GPC5: variants seen among roughly 807,000 people sequenced by gnomAD.
GPC5 encodes the protein glypican 5, also known as glypican-5.
Under a neutral mutation model 53.9 loss-of-function variants are expected in GPC5, and 47 were observed. The observed-to-expected ratio is 0.87, with a 90% CI of 0.69 to 1.11. The LOEUF is 1.11. GPC5 is among the 50% of genes most tolerant of loss of function. The pLI is 0.00. For missense variants in GPC5, 748 were observed against 713.1 expected, an observed-to-expected ratio of 1.05 and a Z score of -0.56; for synonymous variants, 286 against 263.3, an observed-to-expected ratio of 1.09 and a Z score of -0.84.
At chr13:91,994,469 A>G (rs1199022854) in intron 6 of GPC5, 2 of 152,190 alleles carry the variant, frequency 1.3e-5, no homozygotes, top group Admixed American at 6.6e-5. Context: ...GATACAACAA[A>G]GAAGGAATCA....
At chr13:92,490,136 GTTC>G (rs2139446159) in intron 7 of GPC5, 1 of 154,448 alleles carries the variant, frequency 6.5e-6, no homozygotes, top group South Asian at 2.0e-4. Context: ...ATTGTTCTCG[GTTC>G]TTTGTGAATT....
rs886634166 is a variant in GPC5 at position 92,841,217 on chromosome 13, C to T, written c.1562-25065C>T. 4.6e-5 allele frequency among the ~76,000 whole-genome samples: 7 copies of T among 152,150 alleles called. No individual in the cohort carries two copies. The South Asian group carries it at 8.3e-4, about 18-fold the overall frequency. On this transcript the variant is annotated intron_variant, in intron 7 of 7. Transcript: ENST00000377067. The stretch of plus-strand genomic sequence containing the variant: ...CTTTTGATATTTGCATCATCATTTG[C>T]GTTAACATTATTAACAGTCAGTCTT...
At chr13:92,508,195 T>G (rs1880442250) in intron 7 of GPC5, among the ~76,000 whole-genome samples, 2 of 152,148 alleles carry the variant, frequency 1.3e-5, no homozygotes, top group African/African-American at 2.4e-5. Context: ...ATCCCATGAC[T>G]TCGTGATCTT....
intron 6 of GPC5, among the ~76,000 whole-genome samples, chr13:92,111,816 A>C (rs1390069205): frequency 6.6e-6 from 1 of 152,244 alleles, no homozygotes; most frequent in Non-Finnish European, 1.5e-5. Flanking sequence ...AACATAAAGA[A>C]TCTTGTCCAG....
intron 7 of GPC5, among the ~76,000 whole-genome samples, chr13:92,840,816 G>A (rs1357099724): frequency 6.6e-6 from 1 of 151,882 alleles, no homozygotes; most frequent in African/African-American, 2.4e-5. Context: ...CAAGTCTTTT[G>A]CCACCTTATT....
chr13:92,669,633 C>A (rs71427590), intron 7 of GPC5, among the ~76,000 whole-genome samples: 33,573 of 152,016 alleles, frequency 0.22, 4,347 homozygotes, highest in South Asian at 0.36. Context: ...TCCCAATCAG[C>A]AGTTGAATCC....
At chr13:92,511,291 A>G (rs1224723404) in intron 7 of GPC5, among the ~76,000 whole-genome samples, 2 of 152,024 alleles carry the variant, frequency 1.3e-5, no homozygotes, top group African/African-American at 4.8e-5. Flanking sequence ...TTGGTTCTTC[A>G]TTTCTGCATT....
Position 92,253,425 on chromosome 13 carries a change from A to G in GPC5, c.1561+108436A>G, listed in dbSNP as rs1395316722. 3.0e-5 allele frequency among the ~76,000 whole-genome samples: 3 copies of G among 100,864 alleles called. No homozygotes were observed. In the Admixed American group the frequency reaches 3.3e-4, roughly 11 times the overall value. The allele number at this position is 100,864 out of a possible 152,430, so 66.2% of individuals were successfully genotyped here. A position where few individuals can be genotyped will look rare whatever the true frequency, so the allele number is the denominator to read the frequency against. On this transcript the variant is annotated intron_variant, in intron 7 of 7. Coordinates refer to ENST00000377067, the MANE Select transcript of GPC5 (RefSeq NM_004466.6). Reference sequence around the variant, plus strand: ...TAAGTGGTTTATAGGTAGAAATAACAGGAGTTAAAAAAAAATAGATATGAG... The same window carrying G: ...TAAGTGGTTTATAGGTAGAAATAACGGGAGTTAAAAAAAAATAGATATGAG...
chr13:92,194,041 T>A (rs1371115370), intron 7 of GPC5, among the ~76,000 whole-genome samples: 13 of 152,202 alleles, frequency 8.5e-5, no homozygotes, highest in Non-Finnish European at 4.4e-5. Flanking sequence ...ACTTAATACA[T>A]CTTTGTTATA....
chr13:92,002,593 C>T (rs1263129128), intron 6 of GPC5, among the ~76,000 whole-genome samples: 1 of 152,072 alleles, frequency 6.6e-6, no homozygotes, highest in East Asian at 1.9e-4. Context: ...ATAAGGGATA[C>T]ATTTGAATAA....
rs116428540 is a variant in GPC5, at chr13:91,837,894, G to T, written c.1281-70043G>T. Among the ~76,000 whole-genome samples, 332 of 152,168 alleles carry T rather than the reference G, an allele frequency of 2.2e-3. 1 individual carries two copies. The highest frequency in any genetic ancestry group is 7.5e-3 in the African/African-American group (312 of 41,540). ...ATGGTGATTGGTAAAAAATGACATG[G>T]GTGGGGGTCATCCAAGGAGTGTTTT... On this transcript the variant is annotated intron_variant, in intron 5 of 7. Transcript: ENST00000377067.
At chr13:91,580,580 A>C (rs1236643630) in intron 2 of GPC5, among the ~76,000 whole-genome samples, 1 of 152,104 alleles carries the variant, frequency 6.6e-6, no homozygotes, top group Non-Finnish European at 1.5e-5. Context: ...TTACATCATA[A>C]GCAGGTTTTT....
intron 6 of GPC5, among the ~76,000 whole-genome samples, chr13:92,125,599 G>C (rs547268686): frequency 9.2e-5 from 14 of 152,062 alleles, no homozygotes; most frequent in Non-Finnish European, 1.8e-4. Context: ...AAAGGAGAGG[G>C]AAAAGAGGTA....
chr13:92,269,258 C>T (rs1477295314), intron 7 of GPC5, among the ~76,000 whole-genome samples: 4 of 152,096 alleles, frequency 2.6e-5, no homozygotes, highest in Admixed American at 6.5e-5. Flanking sequence ...ACTTTCATAA[C>T]TAAATTGAAA....
intron 6 of GPC5, among the ~76,000 whole-genome samples, chr13:91,976,214 T>C (rs1297384969): frequency 6.6e-6 from 1 of 152,192 alleles, no homozygotes; most frequent in Non-Finnish European, 1.5e-5. Context: ...TGGCAACATG[T>C]ATACATATGT....
chr13:91,437,996 C>A (rs12871672), intron 1 of GPC5, among the ~76,000 whole-genome samples: 67,382 of 151,936 alleles, frequency 0.44, 15,889 homozygotes, highest in Middle Eastern at 0.56. Context: ...AGTTCTCGTG[C>A]CTTGGTTTTC....
chr13:91,986,845 T>G (rs2040412673), intron 6 of GPC5, among the ~76,000 whole-genome samples: 1 of 152,238 alleles, frequency 6.6e-6, no homozygotes, highest in South Asian at 2.1e-4. Flanking sequence ...AACATTTATA[T>G]TTCTACAGCG....
intron 7 of GPC5, among the ~76,000 whole-genome samples, chr13:92,723,732 T>C (rs1384571884): frequency 6.6e-6 from 1 of 151,756 alleles, no homozygotes; most frequent in Non-Finnish European, 1.5e-5. Context: ...ATTTTCATTT[T>C]AGGTTAGTTT....
At chr13:92,430,045 A>G (rs1448020565) in intron 7 of GPC5, among the ~76,000 whole-genome samples, 1 of 152,082 alleles carries the variant, frequency 6.6e-6, no homozygotes, top group African/African-American at 2.4e-5. Context: ...CCATTTCACA[A>G]TGTATAACTA....
Sources: allele counts gnomAD v4.1 joint callset (sites outside exome capture counted in the v4.1 genomes callset), GRCh38; gene constraint gnomAD v4.1.1; transcripts MANE v1.5; gene names NCBI Gene and HGNC (gene_info 2026-07-23, HGNC 2026-07-21).